Variants in SOCS4 observed in about 807,000 individuals in gnomAD.
The protein encoded by SOCS4 is suppressor of cytokine signaling 4, also known as SH2 domain containing SOCS box protein.
SOCS4 carries 20 observed loss-of-function variants against 34.1 expected under a neutral mutation model. The ratio of observed to expected loss-of-function variants is 0.59; its 90% CI spans 0.41 to 0.85. The LOEUF (loss-of-function observed/expected upper bound fraction) is 0.85. Among genes scored for constraint, SOCS4 ranks in the 40% least tolerant of loss-of-function variants. The pLI is 0.00. For missense variants in SOCS4, 479 were observed against 532.4 expected (o/e 0.90, Z 0.99); for synonymous variants, 180 against 186.4 (o/e 0.97, Z 0.28).
chr14:55,037,506 T>TA (rs1389033783), intron 2 of SOCS4, among the ~76,000 whole-genome samples: 2 of 152,014 alleles, frequency 1.3e-5, no homozygotes, highest in South Asian at 2.1e-4. Context: ...TTTTTATTTT[T>TA]TTTTTAGAAG....
chr14:55,041,865 C>T (rs1272689724), intron 2 of SOCS4, among the ~76,000 whole-genome samples: 1 of 134,962 alleles, frequency 7.4e-6, no homozygotes. Context: ...AGTCTTGGTT[C>T]ACCACAACCT....
chr14:55,048,577 GAGTCTACCTGT>G lies in SOCS4; in HGVS notation c.*4215_*4225del, dbSNP rs1182479988. ...GGCCTACTAGAAATGAGCAGTGCAA[GAGTCTACCTGT>G]ACTATTCTAATACAGTAAGATATTG... On this transcript the variant is annotated 3_prime_UTR_variant, in exon 3 of 3. Transcript: ENST00000555846. 1 of 167,042 alleles carries G rather than the reference GAGTCTACCTGT, an allele frequency of 6.0e-6. No individual in the cohort carries two copies. Among genetic ancestry groups the G allele is most frequent in the Non-Finnish European group, 1.5e-5 (1 of 68,120 alleles). The allele number at this position is 167,042 out of a possible 1,614,324, so 10.3% of individuals were successfully genotyped here. A position where few individuals can be genotyped will look rare whatever the true frequency, so the allele number is the denominator to read the frequency against.
intron 2 of SOCS4, among the ~76,000 whole-genome samples, chr14:55,032,527 A>G (rs2042536794): frequency 2.0e-5 from 3 of 152,074 alleles, no homozygotes; most frequent in Non-Finnish European, 2.9e-5. Context: ...ATTAAGAAAT[A>G]TGACTTAAAA....
intron 2 of SOCS4, among the ~76,000 whole-genome samples, chr14:55,035,398 A>C (rs1378147614): frequency 6.6e-6 from 1 of 152,190 alleles, no homozygotes; most frequent in Non-Finnish European, 1.5e-5. Context: ...ATTTTTCTGT[A>C]ACTTCATGGT....
chr14:55,029,759 G>A (rs1355044379), intron 1 of SOCS4, among the ~76,000 whole-genome samples: 1 of 152,178 alleles, frequency 6.6e-6, no homozygotes, highest in African/African-American at 2.4e-5. Context: ...CTTTAGAAAT[G>A]TGAAGATTTT....
intron 1 of SOCS4, among the ~76,000 whole-genome samples, chr14:55,029,465 C>T (rs2042508827): frequency 6.6e-6 from 1 of 152,038 alleles, no homozygotes; most frequent in Non-Finnish European, 1.5e-5. Context: ...CTCATACTAC[C>T]CTTAGACTCA....
At chr14:55,036,013 A>G (rs2042569462) in intron 2 of SOCS4, among the ~76,000 whole-genome samples, 2 of 152,208 alleles carry the variant, frequency 1.3e-5, no homozygotes, top group Non-Finnish European at 2.9e-5. Context: ...TATTAAAGTC[A>G]CATGTCTTCT....
At chr14:55,037,251 TCTC>T (rs2042580811) in intron 2 of SOCS4, among the ~76,000 whole-genome samples, 2 of 151,446 alleles carry the variant, frequency 1.3e-5, no homozygotes, top group South Asian at 4.2e-4. Context: ...TTCAAGCAAT[TCTC>T]CTGCCTCAGC....
In SOCS4 at chr14:55,043,203, T is replaced by A. The variant is rs1264095356; in HGVS notation, c.162T>A (p.Gly54=). The change falls in exon 3 of 3, where the codon GGT becomes GGA. Residue 54 remains glycine, a synonymous_variant. Transcript: ENST00000555846. The part of the protein sequence containing the change: ...ESYSDAETVN[G]IEKTEVSLRN... The stretch of plus-strand genomic sequence containing the variant: ...ATTCAGATGCTGAGACAGTGAATGG[T>A]ATAGAGAAAACCGAAGTGTCTTTAA... 1 of 1,614,226 alleles carries A rather than the reference T, an allele frequency of 6.2e-7. No homozygotes were observed. The highest frequency in any genetic ancestry group is 8.5e-7 in the Non-Finnish European group (1 of 1,180,036).
Position 55,049,128 on chromosome 14 carries a change from T to A in SOCS4, c.*4764T>A, listed in dbSNP as rs1293241093. On this transcript the variant is annotated 3_prime_UTR_variant, in exon 3 of 3. Transcript: ENST00000555846. The stretch of plus-strand genomic sequence containing the variant: ...CTTATTTTAAAAGTTGATTACGTTT[T>A]CAGAAAATAAAGATAATCACTTTTG... 6.0e-6 allele frequency: 1 copy of A among 166,844 alleles called. No individual in the cohort carries two copies. Among genetic ancestry groups the A allele is most frequent in the African/African-American group, 2.4e-5 (1 of 41,468 alleles). 10.3% of individuals were successfully genotyped at this position (166,844 alleles called of 1,614,324 possible). A position where few individuals can be genotyped will look rare whatever the true frequency, so the allele number is the denominator to read the frequency against.
chr14:55,037,579 C>T (rs111366012), intron 2 of SOCS4, among the ~76,000 whole-genome samples: 5,677 of 152,008 alleles, frequency 0.037, 137 homozygotes, highest in South Asian at 0.061. Flanking sequence ...CTGCAACCTC[C>T]GCCTCCCGGA....
At position 55,047,691 on chromosome 14, in the gene SOCS4, T is replaced by G. The variant is rs1240855088; in HGVS notation, c.*3327T>G. 4 of 167,114 alleles carry G rather than the reference T, an allele frequency of 2.4e-5. No individual in the cohort carries two copies. In the Admixed American group the frequency reaches 2.6e-4, roughly 11 times the overall value. 10.4% of individuals were successfully genotyped at this position (167,114 alleles called of 1,614,324 possible). A position where few individuals can be genotyped will look rare whatever the true frequency, so the allele number is the denominator to read the frequency against. ...TATTATAAATAATATAAAGAATGTC[T>G]CAGTAATTAGAAATCCCTTAATAAG... On this transcript the variant is annotated 3_prime_UTR_variant, in exon 3 of 3. Coordinates refer to ENST00000555846, the MANE Select transcript of SOCS4 (RefSeq NM_199421.2).
In SOCS4 at chr14:55,043,813, T is replaced by C; in HGVS notation, c.772T>C (p.Leu258=). ...KWDLDDEILQ[L]ETPPKYHTQI... is the part of the protein sequence containing the mutation. ...GGATTTGGATGATGAAATCCTGCAG[T>C]TGGAAACACCTCCTAAATACCACAC... is the stretch of plus-strand genomic sequence containing the variant. Residue 258 remains leucine (L), a synonymous_variant, in exon 3 of 3, where the codon TTG becomes CTG. Coordinates refer to ENST00000555846, the MANE Select transcript of SOCS4 (RefSeq NM_199421.2). 3 of 1,614,122 alleles carry C rather than the reference T, an allele frequency of 1.9e-6. No homozygotes were observed. Among genetic ancestry groups the C allele is most frequent in the Non-Finnish European group, 2.5e-6 (3 of 1,180,006 alleles).
chr14:55,032,114 T>C (rs2042533913), intron 2 of SOCS4, 123 bp downstream of exon 2: 1 of 152,240 alleles, frequency 6.6e-6, no homozygotes, highest in South Asian at 2.1e-4. Flanking sequence ...ATCAAATGTA[T>C]TCCAATTTAG....
intron 2 of SOCS4, among the ~76,000 whole-genome samples, chr14:55,036,629 C>T (rs1052869669): frequency 1.8e-4 from 28 of 152,144 alleles, no homozygotes; most frequent in Non-Finnish European, 3.2e-4. Flanking sequence ...CAGGCTTGAG[C>T]CACCACACCC....
Position 55,045,204 on chromosome 14 carries a change from AGTT to A in SOCS4, c.*841_*843del, listed in dbSNP as rs2042664013. On this transcript the variant is annotated 3_prime_UTR_variant, in exon 3 of 3. Transcript: ENST00000555846. ...AATGATAACACTATTAGTAGCTAGT[AGTT>A]ACTAAAGTGCTAAAGTAATTGTGGG... 6.0e-6 allele frequency: 1 copy of A among 167,036 alleles called. No individual in the cohort carries two copies. The allele number at this position is 167,036 out of a possible 1,614,324, so 10.3% of individuals were successfully genotyped here.
chr14:55,048,913 A>G lies in SOCS4; in HGVS notation c.*4549A>G, dbSNP rs1181573320. ...GTACTAACATGATGATAGGTTTTCA[A>G]AATATCTTTGTAGTGGATGCTGCAT... On this transcript the variant is annotated 3_prime_UTR_variant, in exon 3 of 3. Coordinates refer to ENST00000555846, the MANE Select transcript of SOCS4 (RefSeq NM_199421.2). The G allele has an allele frequency of 1.2e-5, 2 of 167,058 alleles. No homozygotes were observed. Among genetic ancestry groups the G allele is most frequent in the African/African-American group, 4.8e-5 (2 of 41,470 alleles). 10.3% of individuals were successfully genotyped at this position (167,058 alleles called of 1,614,324 possible).
chr14:55,029,843 T>G (rs929617002), intron 1 of SOCS4, among the ~76,000 whole-genome samples: 49 of 152,180 alleles, frequency 3.2e-4, no homozygotes, highest in African/African-American at 1.2e-3. Context: ...TGTCTGTATG[T>G]ATACTTAATA....
rs1373064188 is a variant in SOCS4, at chr14:55,045,039, C to T, written c.*675C>T. Reference sequence around the variant, plus strand: ...CAATGAGAATCAAATGGAAACATATCATTCTGGAGGTGCACTTACTCTTCT... The same window carrying T: ...CAATGAGAATCAAATGGAAACATATTATTCTGGAGGTGCACTTACTCTTCT... On this transcript the variant is annotated 3_prime_UTR_variant, in exon 3 of 3. Coordinates refer to ENST00000555846, the MANE Select transcript of SOCS4 (RefSeq NM_199421.2). 2 of 166,986 alleles carry T rather than the reference C, an allele frequency of 1.2e-5. No homozygotes were observed. Among genetic ancestry groups the T allele is most frequent in the African/African-American group, 4.8e-5 (2 of 41,438 alleles). 10.3% of individuals were successfully genotyped at this position (166,986 alleles called of 1,614,324 possible). A position where few individuals can be genotyped will look rare whatever the true frequency, so the allele number is the denominator to read the frequency against.
Sources: gnomAD v4.1 joint callset for allele counts (sites outside exome capture counted in the v4.1 genomes callset) on GRCh38, gnomAD v4.1.1 for gene constraint, MANE v1.5 for transcripts, NCBI Gene and HGNC (gene_info 2026-07-23, HGNC 2026-07-21) for gene names.